Variants in PTPRT observed in about 807,000 individuals in gnomAD.
PTPRT encodes protein tyrosine phosphatase receptor type T.
PTPRT carries 56 observed loss-of-function variants against 176.8 expected under a neutral mutation model. That is an observed-to-expected ratio of 0.32 (90% CI 0.26 to 0.40). PTPRT has a LOEUF of 0.40. PTPRT is among the 10% of genes least tolerant of loss of function. PTPRT has a pLI of 1.00. For missense variants in PTPRT, 1,540 were observed against 1,908.2 expected (o/e 0.81, Z 3.60); for synonymous variants, 783 against 739.0 (o/e 1.06, Z -0.96).
chr20:42,953,581 C>T (rs1393749387), intron 1 of PTPRT, among the ~76,000 whole-genome samples: 1 of 152,140 alleles, frequency 6.6e-6, no homozygotes, highest in Admixed American at 6.5e-5. Flanking sequence ...CTGCAGTTAA[C>T]CCTGTAGAAT....
intron 1 of PTPRT, among the ~76,000 whole-genome samples, chr20:43,000,474 A>C (rs576893271): frequency 6.6e-6 from 1 of 152,336 alleles, no homozygotes; most frequent in South Asian, 2.1e-4. Flanking sequence ...TGAACTCTCA[A>C]AGAAATTGAA....
intron 1 of PTPRT, among the ~76,000 whole-genome samples, chr20:43,111,349 C>T (rs1191778086): frequency 6.6e-6 from 1 of 151,644 alleles, no homozygotes; most frequent in East Asian, 1.9e-4. Flanking sequence ...ACCAGCCTGG[C>T]CAACAAAGTG....
chr20:42,274,435 G>A lies in PTPRT; in HGVS notation c.2176+8054C>T, dbSNP rs138462296. Reference sequence around the variant, plus strand: ...TAGCCTAACTAATCCAGTTGCTGAGGTAGAGGTCTCTTGCTTTCTCCTGCA... The same window carrying A: ...TAGCCTAACTAATCCAGTTGCTGAGATAGAGGTCTCTTGCTTTCTCCTGCA... On this transcript the variant is annotated intron_variant, in intron 13 of 30. Coordinates refer to ENST00000373187, the MANE Select transcript of PTPRT (RefSeq NM_007050.6). Among the ~76,000 whole-genome samples the A allele has an allele frequency of 5.0e-3, 761 of 152,210 alleles. 6 individuals carry two copies. The highest frequency in any genetic ancestry group is 0.018 in the African/African-American group (735 of 41,528).
intron 1 of PTPRT, among the ~76,000 whole-genome samples, chr20:43,175,592 G>A (rs911846169): frequency 7.3e-5 from 7 of 96,500 alleles, no homozygotes; most frequent in Admixed American, 1.0e-4. Context: ...GCGAGACCCC[G>A]GGCTCTGACT....
chr20:42,650,095 G>GA (rs1478881595), intron 7 of PTPRT, among the ~76,000 whole-genome samples: 2 of 152,142 alleles, frequency 1.3e-5, no homozygotes, highest in African/African-American at 2.4e-5. Flanking sequence ...ATCATTGCCA[G>GA]AAAAAAATAA....
chr20:42,044,451 G>A, the PTPRT span, among the ~76,000 whole-genome samples: 1 of 152,198 alleles, frequency 6.6e-6, no homozygotes, highest in African/African-American at 2.4e-5. Context: ...CTCATGCTAG[G>A]CATTGGGCAT....
rs1373183923 is a variant in PTPRT at position 42,081,743 on chromosome 20, A to G, written c.4272+139T>C. 2.4e-5 allele frequency: 27 copies of G among 1,126,378 alleles called. No homozygotes were observed. In the Admixed American group the frequency reaches 5.1e-4, roughly 21 times the overall value. 69.8% of individuals were successfully genotyped at this position (1,126,378 alleles called of 1,614,324 possible). On this transcript the variant is annotated intron_variant, in intron 30 of 30. Transcript: ENST00000373187. ...AAGGGGAAGACACAGGACAGACAAC[A>G]GTGCATACCAAGGGCACAGAATGCA... is the stretch of plus-strand genomic sequence containing the variant.
chr20:42,318,149 C>T (rs1259192423), intron 11 of PTPRT, among the ~76,000 whole-genome samples: 8 of 152,180 alleles, frequency 5.3e-5, no homozygotes, highest in Non-Finnish European at 8.8e-5. Context: ...ACCATCTATG[C>T]ATGTTCATAA....
At chr20:42,561,850 G>A (rs1263660184) in intron 7 of PTPRT, among the ~76,000 whole-genome samples, 1 of 152,138 alleles carries the variant, frequency 6.6e-6, no homozygotes, top group Non-Finnish European at 1.5e-5. Context: ...ATTTCTGTTG[G>A]GACTGCTGCC....
rs549598364 is a variant in PTPRT at position 42,338,657 on chromosome 20, T to G, written c.1865+11971A>C. On this transcript the variant is annotated intron_variant, in intron 11 of 30. Coordinates refer to ENST00000373187, the MANE Select transcript of PTPRT (RefSeq NM_007050.6). ...TGGATTGGGACCAAATTCCTTTTTTTGAAAAAAAACATTGATTCCTCTTCC... is the reference window on the plus strand; with the variant it reads ...TGGATTGGGACCAAATTCCTTTTTTGGAAAAAAAACATTGATTCCTCTTCC... Among the ~76,000 whole-genome samples the G allele has an allele frequency of 2.6e-4, 40 of 152,110 alleles. No homozygotes were observed. In the South Asian group the frequency reaches 7.9e-3, roughly 30 times the overall value.
At chr20:42,063,744 A>G in the PTPRT span, 2 of 152,190 alleles carry the variant, frequency 1.3e-5, no homozygotes, top group African/African-American at 4.8e-5. Context: ...TGAGAAGACC[A>G]GGAGTAGTAA....
intron 2 of PTPRT, among the ~76,000 whole-genome samples, chr20:42,839,559 T>C (rs187422915): frequency 6.6e-6 from 1 of 152,136 alleles, no homozygotes; most frequent in Non-Finnish European, 1.5e-5. Context: ...TAGAAAGCAC[T>C]CACTGTGTGC....
chr20:42,129,701 T>C (rs1988035434), intron 18 of PTPRT, among the ~76,000 whole-genome samples: 1 of 152,210 alleles, frequency 6.6e-6, no homozygotes, highest in Admixed American at 6.5e-5. Context: ...AATGGGTCCC[T>C]AAGATGTGGG....
At chr20:43,066,705 G>C (rs956569117) in intron 1 of PTPRT, among the ~76,000 whole-genome samples, 2 of 152,188 alleles carry the variant, frequency 1.3e-5, no homozygotes, top group African/African-American at 4.8e-5. Context: ...AGTGGTGGAA[G>C]GGTAGGGAAG....
At chr20:42,291,037 A>G (rs757274805) in intron 12 of PTPRT, among the ~76,000 whole-genome samples, 4 of 152,152 alleles carry the variant, frequency 2.6e-5, no homozygotes, top group Non-Finnish European at 4.4e-5. Context: ...TTTTCACATT[A>G]TCCCAACTTG....
At chr20:42,150,368 G>T (rs1215858313) in intron 17 of PTPRT, among the ~76,000 whole-genome samples, 1 of 152,066 alleles carries the variant, frequency 6.6e-6, no homozygotes, top group Non-Finnish European at 1.5e-5. Flanking sequence ...ATGCCCTAGG[G>T]TGCAGCAAAA....
chr20:42,975,864 G>T (rs1353564160), intron 1 of PTPRT, among the ~76,000 whole-genome samples: 1 of 151,644 alleles, frequency 6.6e-6, no homozygotes, highest in Non-Finnish European at 1.5e-5. Flanking sequence ...CCCCGTTTTG[G>T]GGAAGAAATA....
chr20:42,444,466 G>C (rs1399959371), intron 9 of PTPRT, among the ~76,000 whole-genome samples: 1 of 152,140 alleles, frequency 6.6e-6, no homozygotes, highest in Non-Finnish European at 1.5e-5. Context: ...CTCACATTTT[G>C]GGGGGCAGAA....
At chr20:42,875,301 T>G (rs2145835688) in intron 2 of PTPRT, among the ~76,000 whole-genome samples, 1 of 152,352 alleles carries the variant, frequency 6.6e-6, no homozygotes, top group East Asian at 1.9e-4. Context: ...CCAACACTCG[T>G]CATTACTTGC....
Sources: gnomAD v4.1 joint callset for allele counts (sites outside exome capture counted in the v4.1 genomes callset) on GRCh38, gnomAD v4.1.1 for gene constraint, MANE v1.5 for transcripts, NCBI Gene and HGNC (gene_info 2026-07-23, HGNC 2026-07-21) for gene names.